Variants in SCN4A observed in about 807,000 individuals in gnomAD.
The protein encoded by SCN4A is sodium channel protein type 4 subunit alpha.
A neutral mutation model predicts 162.0 loss-of-function variants in SCN4A; 83 were observed. The ratio of observed to expected loss-of-function variants is 0.51; its 90% CI spans 0.43 to 0.61. The LOEUF is 0.61. Ranked by LOEUF, SCN4A falls within the 20% of genes least tolerant of loss-of-function variation. The pLI is 0.00. For missense variants in SCN4A, 2,196 were observed against 2,462.5 expected (o/e 0.89, Z 2.29); for synonymous variants, 944 against 985.1 (o/e 0.96, Z 0.78).
rs533296078 is a variant in SCN4A, at chr17:63,971,729, T to C, written c.604A>G (p.Met202Val). The C allele has an allele frequency of 5.0e-6, 8 of 1,598,638 alleles. No individual in the cohort carries two copies. The highest frequency in any genetic ancestry group is 2.3e-5 in the South Asian group (2 of 88,750). Residue 202 changes from methionine to valine, a missense_variant, in exon 4 of 24, where the codon ATG (methionine) becomes GTG (valine). Met to Val is a conservative substitution (Grantham distance 21). Coordinates refer to ENST00000435607, the MANE Select transcript of SCN4A (RefSeq NM_000334.4). ...CCTGGGGCCCCTGCTCACGCCATCA[T>C]GATGACACTGAAGTCCAGCCAGTTC... ...PWNWLDFSVIMMAYLTEFVDL... is the reference protein window; with the variant it reads ...PWNWLDFSVIVMAYLTEFVDL...
intron 13 of SCN4A, among the ~76,000 whole-genome samples, chr17:63,954,378 G>C (rs373508082): frequency 2.6e-5 from 4 of 152,200 alleles, no homozygotes; most frequent in Admixed American, 6.5e-5. Flanking sequence ...TCCCTCTCTG[G>C]GGGGAGGCAT....
chr17:63,942,075 G>T (rs1216928797), intron 23 of SCN4A, 82 bp from the exon 24 acceptor site: 5 of 1,344,870 alleles, frequency 3.7e-6, no homozygotes, highest in Non-Finnish European at 5.0e-6. Context: ...GGCTCAGGGG[G>T]CCCGGCCTGG....
At position 63,961,223 on chromosome 17, in the gene SCN4A, G is replaced by T; in HGVS notation, c.1815C>A (p.His605Gln). ...MAMEHYPMTE[H>Q]FDNVLTVGNL... ...TGCCCACAGTGAGCACGTTGTCAAA[G>T]TGCTCCGTCATGGGGTAATGTTCCA... The change falls in exon 11 of 24, where the codon CAC becomes CAA. Residue 605 changes from histidine (H) to glutamine (Q), a missense_variant. By Grantham distance (24) the His-to-Gln change is conservative. Transcript: ENST00000435607. 1 of 1,308,716 alleles carries T rather than the reference G, an allele frequency of 7.6e-7. No homozygotes were observed. Among genetic ancestry groups the T allele is most frequent in the Non-Finnish European group, 1.0e-6 (1 of 984,616 alleles). 81.1% of individuals were successfully genotyped at this position (1,308,716 alleles called of 1,614,324 possible). A position where few individuals can be genotyped will look rare whatever the true frequency, so the allele number is the denominator to read the frequency against.
At chr17:63,954,314 C>G (rs544124659) in intron 13 of SCN4A, among the ~76,000 whole-genome samples, 3 of 152,298 alleles carry the variant, frequency 2.0e-5, no homozygotes, top group African/African-American at 7.2e-5. Flanking sequence ...CCCGCCATGT[C>G]CCCTAGAGGC....
At chr17:63,952,447 C>T (rs1169280058) in intron 13 of SCN4A, among the ~76,000 whole-genome samples, 2 of 152,202 alleles carry the variant, frequency 1.3e-5, no homozygotes. Flanking sequence ...GGCATCACCA[C>T]GGTGCCTGGC....
At chr17:63,943,188 G>T in intron 22 of SCN4A, 92 bp from the exon 23 acceptor site, 1 of 1,258,072 alleles carries the variant, frequency 7.9e-7, no homozygotes, top group Non-Finnish European at 1.1e-6. Flanking sequence ...TGGCACCACA[G>T]CATGACAGAG....
chr17:63,946,546 C>T (rs1908731776), intron 18 of SCN4A, among the ~76,000 whole-genome samples: 1 of 150,926 alleles, frequency 6.6e-6, no homozygotes, highest in African/African-American at 2.4e-5. Context: ...CCAAACTGAC[C>T]CCAAGCTCAA....
At chr17:63,953,891 T>C (rs923496413) in intron 13 of SCN4A, among the ~76,000 whole-genome samples, 8 of 152,126 alleles carry the variant, frequency 5.3e-5, no homozygotes, top group Non-Finnish European at 8.8e-5. Context: ...AGAAGGCATC[T>C]TTCACTTAGC....
intron 5 of SCN4A, among the ~76,000 whole-genome samples, chr17:63,968,649 C>T (rs1909528692): frequency 6.6e-6 from 1 of 152,158 alleles, no homozygotes; most frequent in South Asian, 2.1e-4. Flanking sequence ...GAGCTTAATA[C>T]ATGTCACTAA....
At chr17:63,966,851 T>C (rs191756128) in intron 6 of SCN4A, among the ~76,000 whole-genome samples, 1 of 152,280 alleles carries the variant, frequency 6.6e-6, no homozygotes, top group East Asian at 1.9e-4. Flanking sequence ...TGTACCTATG[T>C]AGGGCCCCTG....
rs1216370335 is a variant in SCN4A, at chr17:63,944,849, G to T, written c.3775-39C>A. On this transcript the variant is annotated intron_variant, in intron 20 of 23. Transcript: ENST00000435607. This position sits in a 1 kb window ranked among gnomAD's most constrained non-coding sequence, Gnocchi z 4.3. ...AGGGTGGGACGGCGTGGGTTTGCAC[G>T]CTGGCTTCTCCCTGCCCCCCACAGC... 5 of 1,608,062 alleles carry T rather than the reference G, an allele frequency of 3.1e-6. No individual in the cohort carries two copies. The African/African-American group carries it at 4.0e-5, about 13-fold the overall frequency.
intron 15 of SCN4A, among the ~76,000 whole-genome samples, chr17:63,949,072 C>G (rs369775915): frequency 1.3e-5 from 2 of 152,210 alleles, no homozygotes; most frequent in African/African-American, 4.8e-5. Flanking sequence ...CCATCCTGCA[C>G]AGCCCAGCAA....
At position 63,944,750 on chromosome 17, in the gene SCN4A, T is replaced by C. The variant is rs367610608; in HGVS notation, c.3835A>G (p.Ile1279Val). Residue 1279 changes from isoleucine to valine, a missense_variant, in exon 21 of 24, where the codon ATC becomes GTC. Ile to Val is a conservative substitution (Grantham distance 29, BLOSUM62 3). Coordinates refer to ENST00000435607, the MANE Select transcript of SCN4A (RefSeq NM_000334.4). The surrounding 1 kb of genome is among the most constrained non-coding windows in gnomAD (Gnocchi z 4.3). ...AGGGTGAAGAAGGAGCCAAAGATGA[T>C]GAAGATGACAAAGTAGAGGTACATG... ...LYMYLYFVIF[I>V]IFGSFFTLNL... 38 of 1,613,712 alleles carry C rather than the reference T, an allele frequency of 2.4e-5. No individual in the cohort carries two copies. Among genetic ancestry groups the C allele is most frequent in the Non-Finnish European group, 2.9e-5 (34 of 1,179,848 alleles).
intron 15 of SCN4A, among the ~76,000 whole-genome samples, chr17:63,949,049 G>A (rs1044656811): frequency 2.7e-5 from 4 of 150,362 alleles, no homozygotes; most frequent in African/African-American, 9.8e-5. Context: ...CCCCCACCTC[G>A]CCCAGGCGGT....
Position 63,972,800 on chromosome 17 carries a change from A to G in SCN4A, c.42T>C (p.Pro14=). ...CCCGGGTGAAGGGGCGCAAGCACTC[A>G]GGGCCCAGAGGCACCAGGGTGCACA... ...PSLCTLVPLG[P]ECLRPFTRES... is the part of the protein sequence containing the mutation. Residue 14 remains proline, a synonymous_variant, in exon 1 of 24, where the codon CCT becomes CCC. Transcript: ENST00000435607. The surrounding 1 kb of genome is among the most constrained non-coding windows in gnomAD (Gnocchi z 4.3). The G allele has an allele frequency of 6.2e-7, 1 of 1,613,480 alleles. No individual in the cohort carries two copies. Among genetic ancestry groups the G allele is most frequent in the Non-Finnish European group, 8.5e-7 (1 of 1,179,688 alleles).
chr17:63,947,015 G>T, intron 18 of SCN4A, 30 bp downstream of exon 18: 2 of 785,226 alleles, frequency 2.5e-6, no homozygotes, highest in Non-Finnish European at 4.1e-6. Context: ...CCCATCCCCA[G>T]CCCACCCCAG....
chr17:63,965,670 G>T lies in SCN4A; in HGVS notation c.1242+432C>A, dbSNP rs1464333641. On this transcript the variant is annotated intron_variant, in intron 8 of 23. Transcript: ENST00000435607. ...TACCCGGCTAATTTTTGTATTTTTA[G>T]TAGAGATGGGGTTTCACTATGTTGG... Among the ~76,000 whole-genome samples, 8 of 152,100 alleles carry T rather than the reference G, an allele frequency of 5.3e-5. No individual in the cohort carries two copies. The East Asian group carries it at 1.2e-3, about 22-fold the overall frequency.
Position 63,945,476 on chromosome 17 carries a change from C to G in SCN4A, c.3604G>C (p.Glu1202Gln). The change falls in exon 19 of 24, where the codon GAG (glutamate) becomes CAG (glutamine). Residue 1202 changes from glutamate (E) to glutamine (Q), a missense_variant. Transcript: ENST00000435607. The surrounding 1 kb of genome is among the most constrained non-coding windows in gnomAD (Gnocchi z 4.4). The part of the protein sequence containing the change: ...TTTSERFDIS[E>Q]VNNKSECESL... Reference sequence around the variant, plus strand: ...TCGCACTCAGACTTGTTGTTGACCTCGGAGATGTCGAACCTCTCAGAGGTG... The same window carrying G: ...TCGCACTCAGACTTGTTGTTGACCTGGGAGATGTCGAACCTCTCAGAGGTG... The G allele has an allele frequency of 6.2e-7, 1 of 1,613,960 alleles. No homozygotes were observed. The highest frequency in any genetic ancestry group is 1.1e-5 in the South Asian group (1 of 91,084).
chr17:63,940,517 TGCA>T lies in SCN4A; in HGVS notation c.*251_*253del, dbSNP rs1908483382. 1 of 463,592 alleles carries T rather than the reference TGCA, an allele frequency of 2.2e-6. No individual in the cohort carries two copies. Among genetic ancestry groups the T allele is most frequent in the East Asian group, 3.2e-5 (1 of 30,982 alleles). 28.7% of individuals were successfully genotyped at this position (463,592 alleles called of 1,614,324 possible). A position where few individuals can be genotyped will look rare whatever the true frequency, so the allele number is the denominator to read the frequency against. ...GGGCCCAGAGGAGGTCAGAGCAACT[TGCA>T]GGTTAAATCTTGGAGGCAGGGGCCT... On this transcript the variant is annotated 3_prime_UTR_variant, in exon 24 of 24. Transcript: ENST00000435607.
Sources: allele counts gnomAD v4.1 joint callset (sites outside exome capture counted in the v4.1 genomes callset), GRCh38; gene constraint gnomAD v4.1.1; non-coding constraint Gnocchi (gnomAD v3.1); transcripts MANE v1.5; gene names NCBI Gene and HGNC (gene_info 2026-07-23, HGNC 2026-07-21).